PRKCA: variants seen among roughly 807,000 people sequenced by gnomAD.
The protein encoded by PRKCA is protein kinase C alpha type.
Under a neutral mutation model 87.0 loss-of-function variants are expected in PRKCA, and 27 were observed. The ratio of observed to expected loss-of-function variants is 0.31; its 90% CI spans 0.23 to 0.43. PRKCA has a LOEUF of 0.43. PRKCA is among the 20% of genes least tolerant of loss of function. The pLI is 1.00. For missense variants in PRKCA, 518 were observed against 852.3 expected (o/e 0.61, Z 4.88); for synonymous variants, 329 against 311.1 (o/e 1.06, Z -0.61).
At chr17:66,774,745 T>C in intron 14 of PRKCA, 1 of 985,710 alleles carries the variant, frequency 1.0e-6, no homozygotes, top group Non-Finnish European at 1.2e-6. Context: ...CTGCTGCCAA[T>C]GTGTGTAATT....
At position 66,732,431 on chromosome 17, in the gene PRKCA, C is replaced by T. The variant is rs571756741; in HGVS notation, c.919-257C>T. Reference sequence around the variant, plus strand: ...CCAACCAGCCCTTCACGGATCCCCACGCATCAATTCTAGGTTGACTGTGTA... The same window carrying T: ...CCAACCAGCCCTTCACGGATCCCCATGCATCAATTCTAGGTTGACTGTGTA... On this transcript the variant is annotated intron_variant, in intron 8 of 16. Coordinates refer to ENST00000413366, the MANE Select transcript of PRKCA (RefSeq NM_002737.3). 7.9e-5 allele frequency among the ~76,000 whole-genome samples: 12 copies of T among 152,316 alleles called. No individual in the cohort carries two copies. The East Asian group carries it at 2.1e-3, about 27-fold the overall frequency.
At chr17:66,453,012 G>T (rs537976592) in intron 2 of PRKCA, among the ~76,000 whole-genome samples, 2 of 152,370 alleles carry the variant, frequency 1.3e-5, no homozygotes, top group Admixed American at 1.3e-4. Flanking sequence ...AGCCACATTT[G>T]TACAGTTGGT....
Position 66,687,160 on chromosome 17 carries a change from T to A in PRKCA, c.579T>A (p.Asp193Glu). ...CTATGGATCCAAACGGGCTTTCAGA[T>A]CCTTATGTGAAGCTGAAACTTATTC... is the stretch of plus-strand genomic sequence containing the variant. ...LIPMDPNGLSDPYVKLKLIPD... is the reference protein window; with the variant it reads ...LIPMDPNGLSEPYVKLKLIPD... Residue 193 changes from aspartate to glutamate, a missense_variant, in exon 6 of 17, where the codon GAT (aspartate) becomes GAA (glutamate). By Grantham distance (45) the Asp-to-Glu change is conservative (BLOSUM62 2). Coordinates refer to ENST00000413366, the MANE Select transcript of PRKCA (RefSeq NM_002737.3). 1 of 1,613,876 alleles carries A rather than the reference T, an allele frequency of 6.2e-7. No individual in the cohort carries two copies. Among genetic ancestry groups the A allele is most frequent in the Non-Finnish European group, 8.5e-7 (1 of 1,179,822 alleles).
Position 66,786,746 on chromosome 17 carries a change from C to A in PRKCA, c.1606-121C>A, listed in dbSNP as rs563636271. ...CGTCAAGTTAGCTGAGCAAACTGTG[C>A]AGCCTGTGGTGGGGCTGAGAAACCT... On this transcript the variant is annotated intron_variant, in intron 14 of 16. Coordinates refer to ENST00000413366, the MANE Select transcript of PRKCA (RefSeq NM_002737.3). The A allele has an allele frequency of 4.4e-4, 293 of 667,608 alleles. 1 individual carries two copies. Among genetic ancestry groups the A allele is most frequent in the Admixed American group, 1.4e-3 (52 of 37,506 alleles). 41.4% of individuals were successfully genotyped at this position (667,608 alleles called of 1,614,324 possible).
intron 10 of PRKCA, among the ~76,000 whole-genome samples, chr17:66,736,671 C>T (rs1974037074): frequency 6.6e-6 from 1 of 152,220 alleles, no homozygotes; most frequent in East Asian, 1.9e-4. Flanking sequence ...TGTTCTTGTT[C>T]AATGCCACAC....
rs561355502 is a variant in PRKCA, at chr17:66,803,912, C to A, written c.1894C>A (p.Arg632=). 1.2e-6 allele frequency: 2 copies of A among 1,613,816 alleles called. No homozygotes were observed. The highest frequency in any genetic ancestry group is 8.5e-7 in the Non-Finnish European group (1 of 1,179,912). ...AGAGAACTTTGACAAGTTCTTCACACGAGGACAGCCCGTCTTAACACCACC... is the reference window on the plus strand; with the variant it reads ...AGAGAACTTTGACAAGTTCTTCACAAGAGGACAGCCCGTCTTAACACCACC... The part of the protein sequence containing the change: ...GAENFDKFFT[R]GQPVLTPPDQ... Residue 632 remains arginine, a synonymous_variant, in exon 17 of 17, where the codon CGA becomes AGA. Coordinates refer to ENST00000413366, the MANE Select transcript of PRKCA (RefSeq NM_002737.3). This position sits in a 1 kb window ranked among gnomAD's most constrained non-coding sequence, Gnocchi z 4.4.
chr17:66,797,501 T>C (rs1665310152), intron 16 of PRKCA, among the ~76,000 whole-genome samples: 1 of 152,210 alleles, frequency 6.6e-6, no homozygotes, highest in Admixed American at 6.5e-5. Context: ...TACATGCTAG[T>C]GCTTGCTTCG....
chr17:66,504,825 C>T (rs2244497), intron 3 of PRKCA, among the ~76,000 whole-genome samples: 85,339 of 151,980 alleles, frequency 0.56, 25,189 homozygotes, highest in Middle Eastern at 0.68. Flanking sequence ...ATGGGAGTTA[C>T]GTCTCTTGCC....
At chr17:66,657,326 A>C (rs954943530) in intron 5 of PRKCA, among the ~76,000 whole-genome samples, 6 of 152,220 alleles carry the variant, frequency 3.9e-5, no homozygotes, top group Non-Finnish European at 8.8e-5. Context: ...AGAATAAAGA[A>C]GAGAGAATAG....
rs143406261 is a variant in PRKCA, at chr17:66,332,973, A to G, written c.205+26846A>G. On this transcript the variant is annotated intron_variant, in intron 2 of 16. Coordinates refer to ENST00000413366, the MANE Select transcript of PRKCA (RefSeq NM_002737.3). ...CCCGAAGTGCTGGGATTACAGGCGT[A>G]AGCCAACGTGCCTGGCCGGTTCCTG... Among the ~76,000 whole-genome samples, 41 of 152,288 alleles carry G rather than the reference A, an allele frequency of 2.7e-4. No homozygotes were observed. The East Asian group carries it at 3.7e-3, about 14-fold the overall frequency.
At chr17:66,513,970 G>T (rs894376430) in intron 3 of PRKCA, among the ~76,000 whole-genome samples, 2 of 152,108 alleles carry the variant, frequency 1.3e-5, no homozygotes, top group Admixed American at 1.3e-4. Context: ...ATAAAATTCT[G>T]TTTACAGTAG....
intron 3 of PRKCA, among the ~76,000 whole-genome samples, chr17:66,502,098 C>T (rs1422993230): frequency 2.0e-5 from 3 of 152,086 alleles, no homozygotes; most frequent in Non-Finnish European, 4.4e-5. Flanking sequence ...TATTCATTTT[C>T]GATTATGTCT....
At chr17:66,431,169 T>C (rs531812091) in intron 2 of PRKCA, among the ~76,000 whole-genome samples, 1 of 152,348 alleles carries the variant, frequency 6.6e-6, no homozygotes, top group East Asian at 1.9e-4. Context: ...ACTGTCCTTC[T>C]GATGGGAAGA....
intron 2 of PRKCA, among the ~76,000 whole-genome samples, chr17:66,348,399 C>T (rs1207183820): frequency 6.6e-6 from 1 of 152,168 alleles, no homozygotes; most frequent in African/African-American, 2.4e-5. Context: ...TTCCTGCTGT[C>T]ACACCACCAT....
chr17:66,563,357 C>T (rs1567900917), intron 3 of PRKCA, among the ~76,000 whole-genome samples: 1 of 152,138 alleles, frequency 6.6e-6, no homozygotes, highest in Admixed American at 6.6e-5. Context: ...CCCATCAGCC[C>T]CTGATCCTTC....
chr17:66,536,855 G>A (rs1159747127), intron 3 of PRKCA, among the ~76,000 whole-genome samples: 2 of 152,170 alleles, frequency 1.3e-5, no homozygotes, highest in Non-Finnish European at 2.9e-5. Context: ...TCATCAGATT[G>A]AGCACCATGT....
intron 13 of PRKCA, 27 bp from the exon 14 acceptor site, chr17:66,773,960 G>A (rs1448117338): frequency 3.7e-6 from 6 of 1,613,570 alleles, no homozygotes; most frequent in Non-Finnish European, 5.1e-6. Context: ...TACCACTAAT[G>A]TAATTGATGT....
chr17:66,476,802 T>A (rs1915553538), intron 2 of PRKCA, among the ~76,000 whole-genome samples: 1 of 152,182 alleles, frequency 6.6e-6, no homozygotes, highest in Non-Finnish European at 1.5e-5. Context: ...CCAATAATTT[T>A]GGAGTCCTGT....
At chr17:66,353,370 A>G (rs1362977190) in intron 2 of PRKCA, among the ~76,000 whole-genome samples, 1 of 152,128 alleles carries the variant, frequency 6.6e-6, no homozygotes, top group Admixed American at 6.5e-5. Context: ...AGATATAATC[A>G]GGTGATTTGA....
Sources: allele counts gnomAD v4.1 joint callset (sites outside exome capture counted in the v4.1 genomes callset), GRCh38; gene constraint gnomAD v4.1.1; non-coding constraint Gnocchi (gnomAD v3.1); transcripts MANE v1.5; gene names NCBI Gene and HGNC (gene_info 2026-07-23, HGNC 2026-07-21).